The following PTP4A1 variants were observed in gnomAD, a reference collection of about 807,000 sequenced individuals.
PTP4A1 encodes the protein protein tyrosine phosphatase type IVA 1.
In PTP4A1, 9 loss-of-function variants were observed where a neutral mutation model predicts 20.5. The ratio of observed to expected loss-of-function variants is 0.44; its 90% CI spans 0.26 to 0.77. The LOEUF is 0.77. PTP4A1 is among the 30% of genes least tolerant of loss of function. PTP4A1 has a pLI of 0.19. For synonymous variants in PTP4A1, 78 were observed against 67.4 expected (o/e 1.16, Z -0.77); for missense variants, 137 against 218.8 (o/e 0.63, Z 2.36).
At chr6:63,551,125 G>T (rs888123124) in intron 3 of PTP4A1, among the ~76,000 whole-genome samples, 16 of 152,044 alleles carry the variant, frequency 1.1e-4, no homozygotes, top group Non-Finnish European at 1.8e-4. Flanking sequence ...GAGCACAGTT[G>T]CTCAATCTCT....
At chr6:63,568,937 T>C (rs1777299899), upstream of PTP4A1, among the ~76,000 whole-genome samples, 1 of 152,292 alleles carries the variant, frequency 6.6e-6, no homozygotes, top group South Asian at 2.1e-4. Flanking sequence ...CTATTACATA[T>C]ATTTGCTAGA....
In PTP4A1 at chr6:63,576,754, A is replaced by G. The variant is rs543785226; in HGVS notation, c.-127A>G. On this transcript the variant is annotated 5_prime_UTR_variant, in exon 2 of 6. Coordinates refer to ENST00000626021, the MANE Select transcript of PTP4A1 (RefSeq NM_003463.5). ...TTCACTTATCATTACTTACAACTTC[A>G]TACTCAAAGCACTGAGAATTTCAAG... The G allele has an allele frequency of 5.0e-4, 357 of 718,272 alleles. 9 individuals are homozygous for G. The South Asian group carries it at 6.3e-3, about 13-fold the overall frequency. The allele number at this position is 718,272 out of a possible 1,614,324, so 44.5% of individuals were successfully genotyped here. A position where few individuals can be genotyped will look rare whatever the true frequency, so the allele number is the denominator to read the frequency against.
chr6:63,538,439 T>C, intron 2 of PTP4A1, among the ~76,000 whole-genome samples: 1 of 152,238 alleles, frequency 6.6e-6, no homozygotes, highest in East Asian at 1.9e-4. Context: ...TATTCTGTGT[T>C]TTAAAACATA....
At chr6:63,549,453 C>T (rs778359080) in intron 2 of PTP4A1, 61 of 795,252 alleles carry the variant, frequency 7.7e-5, no homozygotes, top group Admixed American at 1.8e-4. Context: ...CCTGCTTCTT[C>T]ACGACAGCAG....
upstream of PTP4A1, among the ~76,000 whole-genome samples, chr6:63,521,164 G>C (rs1056755104): frequency 6.6e-6 from 1 of 151,778 alleles, no homozygotes; most frequent in Non-Finnish European, 1.5e-5. Flanking sequence ...AACCACCATG[G>C]TACATGTATA....
Position 63,582,355 on chromosome 6 carries a change from A to G in PTP4A1, c.*2181A>G, listed in dbSNP as rs1211166038. 2 of 152,668 alleles carry G rather than the reference A, an allele frequency of 1.3e-5. No homozygotes were observed. The highest frequency in any genetic ancestry group is 2.9e-5 in the Non-Finnish European group (2 of 68,034). The allele number at this position is 152,668 out of a possible 1,614,324, so 9.5% of individuals were successfully genotyped here. A position where few individuals can be genotyped will look rare whatever the true frequency, so the allele number is the denominator to read the frequency against. ...AATGAAAACTATCTTTTGAGTTTGA[A>G]AAGAAATTAATTTGCAGTGTTTGGA... On this transcript the variant is annotated 3_prime_UTR_variant, in exon 6 of 6. Transcript: ENST00000626021.
At chr6:63,560,403 T>C (rs1392928952) in intron 3 of PTP4A1, among the ~76,000 whole-genome samples, 2 of 139,334 alleles carry the variant, frequency 1.4e-5, no homozygotes, top group Non-Finnish European at 3.1e-5. Context: ...ACACAAAGCC[T>C]TTTTTTTTTT....
At chr6:63,572,284 G>A (rs1220220486), upstream of PTP4A1, 2 of 182,864 alleles carry the variant, frequency 1.1e-5, no homozygotes, top group South Asian at 2.0e-4. Context: ...CCCCCGCCCC[G>A]GGGATGCTCC....
rs145342262 is a variant in PTP4A1, at chr6:63,575,796, T to G, written c.-445-640T>G. On this transcript the variant is annotated intron_variant, in intron 1 of 5. Transcript: ENST00000626021. ...TTTTCAGAGACTCATTTTCCTCGTC[T>G]TCAGTTTAATGGGAATGATAACAGA... is the stretch of plus-strand genomic sequence containing the variant. 2.2e-3 allele frequency among the ~76,000 whole-genome samples: 329 copies of G among 152,250 alleles called. 1 individual carries two copies. The highest frequency in any genetic ancestry group is 6.3e-3 in the African/African-American group (263 of 41,570).
chr6:63,553,099 A>G (rs565961818), intron 3 of PTP4A1, among the ~76,000 whole-genome samples: 1 of 152,330 alleles, frequency 6.6e-6, no homozygotes, highest in East Asian at 1.9e-4. Flanking sequence ...GAGAGAATGT[A>G]TATCTGTGTA....
At chr6:63,562,366 A>AT in intron 3 of PTP4A1, among the ~76,000 whole-genome samples, 1 of 151,876 alleles carries the variant, frequency 6.6e-6, no homozygotes, top group Non-Finnish European at 1.5e-5. Flanking sequence ...CACCCAGCTA[A>AT]TTTTGTATTT....
At chr6:63,526,136 C>T (rs1409327635) in intron 1 of PTP4A1, among the ~76,000 whole-genome samples, 1 of 151,780 alleles carries the variant, frequency 6.6e-6, no homozygotes, top group Non-Finnish European at 1.5e-5. Context: ...ACCAGCCTGG[C>T]CAACATGGTG....
At chr6:63,520,874 T>G (rs1774894769), upstream of PTP4A1, among the ~76,000 whole-genome samples, 1 of 152,032 alleles carries the variant, frequency 6.6e-6, no homozygotes, top group Non-Finnish European at 1.5e-5. Context: ...AACAATCAGT[T>G]TATATACACC....
Position 63,580,145 on chromosome 6 carries a change from G to T in PTP4A1, c.493G>T (p.Gly165Cys), listed in dbSNP as rs546134768. 1 of 1,612,510 alleles carries T rather than the reference G, an allele frequency of 6.2e-7. No individual in the cohort carries two copies. Among genetic ancestry groups the T allele is most frequent in the Non-Finnish European group, 8.5e-7 (1 of 1,179,010 alleles). ...GCGGCTGCGTTTCAAAGATTCCAAC[G>T]GTCATAGAAACAACTGTTGCATTCA... Reference protein sequence around the residue: ...KMRLRFKDSNGHRNNCCIQ With the variant: ...KMRLRFKDSNCHRNNCCIQ Residue 165 changes from glycine to cysteine, a missense_variant, in exon 6 of 6, where the codon GGT becomes TGT. Physicochemically the swap from Gly to Cys is radical, Grantham distance 159. Transcript: ENST00000626021.
chr6:63,534,778 T>TATTTCA (rs1173604168), intron 2 of PTP4A1, among the ~76,000 whole-genome samples: 2 of 152,044 alleles, frequency 1.3e-5, no homozygotes, highest in African/African-American at 4.8e-5. Context: ...TAAAATTTCT[T>TATTTCA]TACTAAAGAA....
chr6:63,553,396 T>G (rs1776535229), intron 3 of PTP4A1, among the ~76,000 whole-genome samples: 1 of 152,214 alleles, frequency 6.6e-6, no homozygotes, highest in East Asian at 1.9e-4. Context: ...TCCATGACTG[T>G]GTGTTCAGTA....
chr6:63,580,727 G>A lies in PTP4A1; in HGVS notation c.*553G>A, dbSNP rs886080283. On this transcript the variant is annotated 3_prime_UTR_variant, in exon 6 of 6. Transcript: ENST00000626021. ...TATACGTCAGGTTTGCTTAACCATT[G>A]ATTTTTTTTTTTTTTTACCAAGTCT... The A allele has an allele frequency of 1.4e-5, 2 of 147,418 alleles. No homozygotes were observed. Among genetic ancestry groups the A allele is most frequent in the East Asian group, 2.1e-4 (1 of 4,772 alleles). The allele number at this position is 147,418 out of a possible 1,614,324, so 9.1% of individuals were successfully genotyped here.
intron 1 of PTP4A1, among the ~76,000 whole-genome samples, chr6:63,523,812 C>T (rs148399690): frequency 6.6e-6 from 1 of 151,960 alleles, no homozygotes; most frequent in Non-Finnish European, 1.5e-5. Flanking sequence ...CAGTGGGGCC[C>T]GGAGAAGCCA....
intron 2 of PTP4A1, among the ~76,000 whole-genome samples, chr6:63,528,615 G>A (rs13217662): frequency 0.32 from 48,525 of 151,682 alleles, 7,921 homozygotes; most frequent in Admixed American, 0.4. Flanking sequence ...CAGGCATGGC[G>A]GCATGCATGG....
Sources: gnomAD v4.1 joint callset for allele counts (sites outside exome capture counted in the v4.1 genomes callset) on GRCh38, gnomAD v4.1.1 for gene constraint, MANE v1.5 for transcripts, NCBI Gene and HGNC (gene_info 2026-07-23, HGNC 2026-07-21) for gene names.